MYSM1: variants seen among roughly 807,000 people sequenced by gnomAD.
MYSM1 encodes the protein Myb like, SWIRM and MPN domains 1, also known as deubiquitinase MYSM1.
In MYSM1, 51 loss-of-function variants were observed where a neutral mutation model predicts 116.0. The ratio of observed to expected loss-of-function variants is 0.44; its 90% confidence interval spans 0.35 to 0.56. The LOEUF is 0.56. MYSM1 is among the 20% of genes least tolerant of loss of function. The pLI, the probability that MYSM1 is intolerant of heterozygous loss-of-function variation, is 0.00. For synonymous variants in MYSM1, 313 were observed against 315.2 expected, an observed-to-expected ratio of 0.99 and a Z score of 0.07; for missense variants, 900 against 974.9, an observed-to-expected ratio of 0.92 and a Z score of 1.02.
rs1417102333 is a variant in MYSM1 at position 58,668,987 on chromosome 1, C to A, written c.1713G>T (p.Lys571Asn). 41 of 1,599,506 alleles carry A rather than the reference C, an allele frequency of 2.6e-5. No individual in the cohort carries two copies. The highest frequency in any genetic ancestry group is 3.4e-5 in the Non-Finnish European group (40 of 1,174,480). Residue 571 changes from lysine to asparagine, a missense_variant, in exon 13 of 20, where the codon AAG becomes AAT. Lys to Asn is a moderately conservative substitution (Grantham distance 94). This residue lies in a region of MYSM1 where 92 missense variants were observed against 155.0 expected (regional missense o/e 0.59). Transcript: ENST00000472487. The stretch of plus-strand genomic sequence containing the variant: ...TTCATTAATGCATAAATAGTACCTG[C>A]TTTTCTTCACTAAAAAAATTACAAG... ...LIPCNFFSEE[K>N]QEPFQVKVAS...
At chr1:58,663,378 C>G (rs4912365) in intron 17 of MYSM1, among the ~76,000 whole-genome samples, 54,652 of 151,944 alleles carry the variant, frequency 0.36, 10,116 homozygotes, top group Non-Finnish European at 0.41. Context: ...GAAAACTGAT[C>G]ACTAAATATA....
chr1:58,679,078 T>G (rs1457861279), intron 8 of MYSM1, among the ~76,000 whole-genome samples: 1 of 152,202 alleles, frequency 6.6e-6, no homozygotes, highest in African/African-American at 2.4e-5. Flanking sequence ...AATATTCCCC[T>G]AACCAGGGAA....
At chr1:58,689,204 C>A in intron 5 of MYSM1, 88 bp from the exon 6 acceptor site, 1 of 930,046 alleles carries the variant, frequency 1.1e-6, no homozygotes, top group Non-Finnish European at 1.6e-6. Context: ...TAGCCATGGG[C>A]TAAATTCAAT....
Position 58,682,087 on chromosome 1 carries a change from C to T in MYSM1, c.957G>A (p.Leu319=). Residue 319 remains leucine (L), a synonymous_variant, in exon 8 of 20, where the codon TTG becomes TTA. Coordinates refer to ENST00000472487, the MANE Select transcript of MYSM1 (RefSeq NM_001085487.3). ...IELNDQKFNE[L]IKNCNKHDGR... ...CATCATGCTTGTTGCAGTTTTTAATCAATTCATTAAATTTCTGGTCATTTA... is the reference window on the plus strand; with the variant it reads ...CATCATGCTTGTTGCAGTTTTTAATTAATTCATTAAATTTCTGGTCATTTA... 1 of 1,614,024 alleles carries T rather than the reference C, an allele frequency of 6.2e-7. No individual in the cohort carries two copies. Among genetic ancestry groups the T allele is most frequent in the Non-Finnish European group, 8.5e-7 (1 of 1,179,990 alleles).
intron 8 of MYSM1, among the ~76,000 whole-genome samples, chr1:58,677,633 AAAG>A (rs1219143379): frequency 6.6e-6 from 1 of 152,176 alleles, no homozygotes; most frequent in Non-Finnish European, 1.5e-5. Context: ...AAAGATTATG[AAAG>A]AAATAAGAGG....
At chr1:58,670,349 T>C (rs1423491716) in intron 12 of MYSM1, among the ~76,000 whole-genome samples, 1 of 152,046 alleles carries the variant, frequency 6.6e-6, no homozygotes, top group African/African-American at 2.4e-5. Flanking sequence ...CTGCAGAGAA[T>C]GGGAAAGTTG....
intron 5 of MYSM1, among the ~76,000 whole-genome samples, chr1:58,690,023 G>A (rs1569793919): frequency 6.6e-6 from 1 of 151,734 alleles, no homozygotes; most frequent in African/African-American, 2.4e-5. Flanking sequence ...GCCTACATAG[G>A]GCCATGAAAG....
At chr1:58,684,694 A>C (rs1644800966) in intron 7 of MYSM1, among the ~76,000 whole-genome samples, 1 of 152,206 alleles carries the variant, frequency 6.6e-6, no homozygotes, top group Non-Finnish European at 1.5e-5. Context: ...AGTTTATTAA[A>C]GTTTCAGACA....
chr1:58,689,277 TG>T, intron 5 of MYSM1, 161 bp from the exon 6 acceptor site: 1 of 569,672 alleles, frequency 1.8e-6, no homozygotes, highest in South Asian at 2.3e-5. Context: ...AGCCTCTACC[TG>T]GGGGCAGAGA....
chr1:58,690,119 T>TA, intron 5 of MYSM1, 107 bp downstream of exon 5: 1 of 860,714 alleles, frequency 1.2e-6, no homozygotes, highest in Non-Finnish European at 1.8e-6. Context: ...ATATCTACTT[T>TA]AAGGTCAAGA....
intron 6 of MYSM1, among the ~76,000 whole-genome samples, chr1:58,688,083 C>T (rs1367206371): frequency 6.6e-6 from 1 of 151,728 alleles, no homozygotes; most frequent in Non-Finnish European, 1.5e-5. Flanking sequence ...AAATGATAAT[C>T]ATACAACACA....
chr1:58,668,706 A>C, intron 13 of MYSM1, 24 bp from the exon 14 acceptor site: 2 of 1,581,860 alleles, frequency 1.3e-6, no homozygotes, highest in Non-Finnish European at 1.7e-6. Context: ...AACAAAACAA[A>C]ACGGGGGAGC....
rs1644886790 is a variant in MYSM1 at position 58,690,333 on chromosome 1, A to T, written c.296+7T>A. ...AGACTTTTAGAAATATTATAAATTG[A>T]TTTTACCTCTTCATGTATTTTTTAT... On this transcript the variant is annotated splice_region_variant and intron_variant, in intron 4 of 19. Coordinates refer to ENST00000472487, the MANE Select transcript of MYSM1 (RefSeq NM_001085487.3). 1.3e-6 allele frequency: 2 copies of T among 1,596,896 alleles called. No individual in the cohort carries two copies. The highest frequency in any genetic ancestry group is 2.7e-5 in the African/African-American group (2 of 73,904).
intron 12 of MYSM1, among the ~76,000 whole-genome samples, chr1:58,670,757 A>C (rs506077): frequency 0.63 from 94,723 of 151,434 alleles, 29,784 homozygotes; most frequent in African/African-American, 0.69. Flanking sequence ...GTTTACATTT[A>C]TTCAATTAAA....
intron 12 of MYSM1, among the ~76,000 whole-genome samples, chr1:58,671,179 T>G (rs1461696166): frequency 6.6e-6 from 1 of 152,168 alleles, no homozygotes; most frequent in African/African-American, 2.4e-5. Context: ...CTCAGTTTCC[T>G]CATCTATAAA....
chr1:58,690,301 A>G (rs1379835716), intron 4 of MYSM1, 39 bp downstream of exon 4: 6 of 1,581,616 alleles, frequency 3.8e-6, no homozygotes, highest in Middle Eastern at 1.7e-4. Context: ...TTCTAAAACT[A>G]CAATCCAGAC....
intron 12 of MYSM1, among the ~76,000 whole-genome samples, chr1:58,671,216 A>T (rs1011136466): frequency 8.5e-5 from 13 of 152,174 alleles, no homozygotes; most frequent in African/African-American, 2.7e-4. Context: ...TAACTAATGC[A>T]CAGGGTTGTC....
intron 19 of MYSM1, 75 bp from the exon 20 acceptor site, chr1:58,660,230 C>T: frequency 1.2e-6 from 1 of 832,318 alleles, no homozygotes; most frequent in Admixed American, 3.5e-5. Context: ...CTATTTCGTC[C>T]CTTTCCAGAC....
At chr1:58,692,812 T>G (rs1291239938) in intron 3 of MYSM1, 49 bp downstream of exon 3, 1 of 1,484,166 alleles carries the variant, frequency 6.7e-7, no homozygotes, top group African/African-American at 1.4e-5. Context: ...CATTTATAGA[T>G]TTTTTTCACC....
Sources: gnomAD v4.1 joint callset for allele counts (sites outside exome capture counted in the v4.1 genomes callset) on GRCh38, gnomAD v4.1.1 for gene constraint, gnomAD v4.1.1 regional missense constraint, MANE v1.5 for transcripts, NCBI Gene and HGNC (gene_info 2026-07-23, HGNC 2026-07-21) for gene names.